GAREM1: variants seen among roughly 807,000 people sequenced by gnomAD.
GAREM1 encodes GRB2-associated and regulator of MAPK protein 1.
A neutral mutation model predicts 71.3 loss-of-function variants in GAREM1; 26 were observed. That is an observed-to-expected ratio of 0.36 (90% CI 0.27 to 0.51). The LOEUF (loss-of-function observed/expected upper bound fraction) is 0.51, where lower values mean the gene tolerates loss of function less well. Ranked by LOEUF, GAREM1 falls within the 20% of genes least tolerant of loss-of-function variation. The probability of loss-of-function intolerance (pLI) is 0.95; values close to 1 mark genes in which losing one functional copy is unlikely to be tolerated. For synonymous variants in GAREM1, 440 were observed against 433.2 expected (o/e 1.02, Z -0.20); for missense variants, 1,026 against 1,103.1 (o/e 0.93, Z 0.99).
intron 1 of GAREM1, among the ~76,000 whole-genome samples, chr18:32,397,189 T>C (rs949194953): frequency 6.6e-6 from 1 of 152,170 alleles, no homozygotes; most frequent in Non-Finnish European, 1.5e-5. Flanking sequence ...TACCAGCCAC[T>C]GCAAAAACAT....
At chr18:32,271,569 G>C (rs1050754091) in intron 4 of GAREM1, among the ~76,000 whole-genome samples, 2 of 152,162 alleles carry the variant, frequency 1.3e-5, no homozygotes, top group Non-Finnish European at 1.5e-5. Context: ...ACCCAGGGTG[G>C]GGCCTGGGAA....
chr18:32,450,172 C>CATG (rs2048822161), intron 1 of GAREM1, among the ~76,000 whole-genome samples: 1 of 152,152 alleles, frequency 6.6e-6, no homozygotes, highest in Non-Finnish European at 1.5e-5. Context: ...GAGTACTCAG[C>CATG]AATCAGTATC....
At chr18:32,424,508 T>C (rs1012613748) in intron 1 of GAREM1, among the ~76,000 whole-genome samples, 1 of 152,178 alleles carries the variant, frequency 6.6e-6, no homozygotes, top group African/African-American at 2.4e-5. Context: ...AAATCAGTAT[T>C]GCATGTGTTT....
intron 1 of GAREM1, among the ~76,000 whole-genome samples, chr18:32,396,232 T>C (rs868449104): frequency 2.0e-4 from 30 of 152,078 alleles, no homozygotes; most frequent in Non-Finnish European, 2.1e-4. Flanking sequence ...GCAGAAAAGC[T>C]GAAAACTCTA....
At chr18:32,341,637 G>GA (rs765503597) in intron 2 of GAREM1, among the ~76,000 whole-genome samples, 11 of 152,302 alleles carry the variant, frequency 7.2e-5, no homozygotes, top group South Asian at 4.1e-4. Context: ...AAAGCAATGG[G>GA]AAATCACTGG....
rs2048781514 is a variant in GAREM1 at position 32,445,878 on chromosome 18, AG to A, written c.121+24429del. ...TTCTGGCAAAAAAAAATATAGGTTA[AG>A]GCAATAGCAGCATGGTAGAAATTAG... On this transcript the variant is annotated intron_variant, in intron 1 of 5. Transcript: ENST00000269209. 3.3e-5 allele frequency among the ~76,000 whole-genome samples: 5 copies of A among 152,304 alleles called. No homozygotes were observed. In the South Asian group the frequency reaches 1.0e-3, roughly 32 times the overall value.
chr18:32,268,365 C>T lies in GAREM1; in HGVS notation c.2137G>A (p.Ala713Thr). 16 of 1,614,192 alleles carry T rather than the reference C, an allele frequency of 9.9e-6. No individual in the cohort carries two copies. Among genetic ancestry groups the T allele is most frequent in the Non-Finnish European group, 1.2e-5 (14 of 1,180,030 alleles). Residue 713 changes from alanine (A) to threonine (T), a missense_variant, in exon 6 of 6, where the codon GCT becomes ACT. By Grantham distance (58) the Ala-to-Thr change is moderately conservative (BLOSUM62 0). Transcript: ENST00000269209. Reference sequence around the variant, plus strand: ...GACGTACTCTGCTTTGTCACACCAGCTGCAAGAGATTTCACATCTGTGCTC... The same window carrying T: ...GACGTACTCTGCTTTGTCACACCAGTTGCAAGAGATTTCACATCTGTGCTC... Reference protein sequence around the residue: ...LESTDVKSLAAGVTKQSTSCP... With the variant: ...LESTDVKSLATGVTKQSTSCP...
In GAREM1 at chr18:32,267,883, C is replaced by T. The variant is rs199530340; in HGVS notation, c.2619G>A (p.Arg873=). ...KKIMQFINGW[R]PKI Reference sequence around the variant, plus strand: ...GGGGGTTATTTGGCTATATTTTGGGCCTCCAGCCATTAATGAATTGCATTA... The same window carrying T: ...GGGGGTTATTTGGCTATATTTTGGGTCTCCAGCCATTAATGAATTGCATTA... Residue 873 remains arginine (R), a synonymous_variant, in exon 6 of 6, where the codon AGG becomes AGA. Coordinates refer to ENST00000269209, the MANE Select transcript of GAREM1 (RefSeq NM_001242409.2). 4.8e-5 allele frequency: 77 copies of T among 1,609,644 alleles called. No homozygotes were observed. Among genetic ancestry groups the T allele is most frequent in the Admixed American group, 1.2e-4 (7 of 59,852 alleles).
At chr18:32,424,568 A>G (rs2048555335) in intron 1 of GAREM1, among the ~76,000 whole-genome samples, 1 of 152,234 alleles carries the variant, frequency 6.6e-6, no homozygotes, top group Non-Finnish European at 1.5e-5. Context: ...CAAACCAACA[A>G]GGCAAAAAAC....
At chr18:32,458,526 ACTG>A (rs909887513) in intron 1 of GAREM1, among the ~76,000 whole-genome samples, 18 of 152,100 alleles carry the variant, frequency 1.2e-4, no homozygotes, top group African/African-American at 4.3e-4. Context: ...ATGAACATTG[ACTG>A]CTGAAGACAA....
At chr18:32,387,792 G>A (rs952336212) in intron 2 of GAREM1, among the ~76,000 whole-genome samples, 1 of 152,164 alleles carries the variant, frequency 6.6e-6, no homozygotes, top group South Asian at 2.1e-4. Context: ...AGAAGTCATA[G>A]TTACCTTTTT....
chr18:32,285,477 C>T (rs1014720215), intron 4 of GAREM1, among the ~76,000 whole-genome samples: 1 of 152,224 alleles, frequency 6.6e-6, no homozygotes, highest in Non-Finnish European at 1.5e-5. Flanking sequence ...TCTTGTTTTC[C>T]CTCTTACATG....
intron 2 of GAREM1, among the ~76,000 whole-genome samples, chr18:32,363,903 TAC>T (rs151234771): frequency 3.5e-5 from 5 of 142,800 alleles, no homozygotes; most frequent in Admixed American, 7.1e-5. Flanking sequence ...GTCAAGGTTA[TAC>T]ACACACACAC....
chr18:32,356,668 T>C (rs974661706), intron 2 of GAREM1, among the ~76,000 whole-genome samples: 17 of 152,200 alleles, frequency 1.1e-4, no homozygotes, highest in African/African-American at 3.6e-4. Flanking sequence ...CTATGACATA[T>C]GGTATTATCA....
At chr18:32,417,482 C>G (rs1053173820) in intron 1 of GAREM1, among the ~76,000 whole-genome samples, 29 of 152,066 alleles carry the variant, frequency 1.9e-4, no homozygotes, top group African/African-American at 5.3e-4. Flanking sequence ...CATCCATCAG[C>G]AGATGAATGG....
chr18:32,397,120 C>G (rs1176709274), intron 1 of GAREM1, among the ~76,000 whole-genome samples: 1 of 152,122 alleles, frequency 6.6e-6, no homozygotes, highest in African/African-American at 2.4e-5. Flanking sequence ...TTTGTCACCA[C>G]CAGGCCTGCC....
chr18:32,346,657 G>A (rs956008733), intron 2 of GAREM1, among the ~76,000 whole-genome samples: 3 of 152,158 alleles, frequency 2.0e-5, no homozygotes, highest in African/African-American at 7.2e-5. Context: ...AATGTTATGG[G>A]AATCAGAAAA....
In GAREM1 at chr18:32,268,179, C is replaced by T. The variant is rs1478515097; in HGVS notation, c.2323G>A (p.Asp775Asn). ...AAAGGGTAGGAGGCAGAGAAGATGTCCTGCATGCCCTTTTTAACAAAATAC... is the reference window on the plus strand; with the variant it reads ...AAAGGGTAGGAGGCAGAGAAGATGTTCTGCATGCCCTTTTTAACAAAATAC... ...DQYFVKKGMQ[D>N]IFSASYPFSS... Residue 775 changes from aspartate (D) to asparagine (N), a missense_variant, in exon 6 of 6, where the codon GAC becomes AAC. Asp to Asn is a conservative substitution (Grantham distance 23, BLOSUM62 1). Transcript: ENST00000269209. 2 of 1,614,022 alleles carry T rather than the reference C, an allele frequency of 1.2e-6. No homozygotes were observed. The highest frequency in any genetic ancestry group is 4.5e-5 in the East Asian group (2 of 44,874).
intron 1 of GAREM1, among the ~76,000 whole-genome samples, chr18:32,450,178 G>A (rs1306768499): frequency 6.6e-6 from 1 of 152,290 alleles, no homozygotes; most frequent in South Asian, 2.1e-4. Flanking sequence ...TCAGCAATCA[G>A]TATCAATCAA....
Sources: allele counts gnomAD v4.1 joint callset (sites outside exome capture counted in the v4.1 genomes callset), GRCh38; gene constraint gnomAD v4.1.1; transcripts MANE v1.5; gene names NCBI Gene and HGNC (gene_info 2026-07-23, HGNC 2026-07-21).